The following CCDC160 variants were observed in gnomAD, a reference collection of about 807,000 sequenced individuals.
CCDC160 encodes the protein coiled-coil domain-containing protein 160.
For synonymous variants in CCDC160, 94 were observed against 79.4 expected, an observed-to-expected ratio of 1.18 and a Z score of -0.98; for missense variants, 227 against 215.6, an observed-to-expected ratio of 1.05 and a Z score of -0.33.
intron 1 of CCDC160, among the ~76,000 whole-genome samples, chrX:134,243,616 A>C (rs140279603): frequency 0.013 from 1,430 of 112,364 alleles, 21 homozygotes; most frequent in African/African-American, 0.043. Context: ...AATCAAAGAA[A>C]ATATTAATTA....
At chrX:134,241,316 A>G (rs1325309382) in intron 1 of CCDC160, among the ~76,000 whole-genome samples, 2 of 111,770 alleles carry the variant, frequency 1.8e-5, no homozygotes, top group Non-Finnish European at 3.8e-5. Flanking sequence ...TTATATATAA[A>G]TTCATATTCA....
chrX:134,244,892 C>T (rs201693622), exon 2 of CCDC160: 2 of 1,201,461 alleles, frequency 1.7e-6, no homozygotes, highest in Non-Finnish European at 1.1e-6. Context: ...GAGCCTGAAT[C>T]TTCTTCTGAA....
exon 2 of CCDC160, chrX:134,245,752 G>A (rs1217194482): frequency 8.7e-7 from 1 of 1,143,139 alleles, no homozygotes. Context: ...AAGTATCCTT[G>A]ACCACTTTAC....
At chrX:134,245,647 A>C (rs1414977257) in exon 2 of CCDC160, 2 of 1,208,185 alleles carry the variant, frequency 1.7e-6, no homozygotes, top group African/African-American at 3.5e-5. Flanking sequence ...TGTCATCAAG[A>C]ATGAACTGAG....
At chrX:134,238,192 T>G (rs1472539260) in intron 1 of CCDC160, among the ~76,000 whole-genome samples, 1 of 110,829 alleles carries the variant, frequency 9.0e-6, no homozygotes, top group African/African-American at 3.3e-5. Flanking sequence ...GGAGGTACTG[T>G]GTTGAATAAA....
chrX:134,245,597 A>G, exon 2 of CCDC160: 1 of 1,207,986 alleles, frequency 8.3e-7, no homozygotes, highest in Non-Finnish European at 1.1e-6. Context: ...ATGAAATCAT[A>G]TTATGAATTA....
chrX:134,242,564 AGTGT>A lies in CCDC160; in HGVS notation c.-24-2193_-24-2190del, dbSNP rs371345902. ...GGAAGAGAGACAGTGAAAATTAAAAAGTGTGTGTGTGTGTGTGTGTGTGCATGTG... is the reference window on the plus strand; with the variant it reads ...GGAAGAGAGACAGTGAAAATTAAAAAGTGTGTGTGTGTGTGTGTGCATGTG... On this transcript the variant is annotated intron_variant, in intron 1 of 1. Coordinates refer to ENST00000370809, the Ensembl canonical transcript of CCDC160. Among the ~76,000 whole-genome samples the A allele has an allele frequency of 7.2e-3, 751 of 104,926 alleles. 10 individuals carry two copies. Among genetic ancestry groups the A allele is most frequent in the African/African-American group, 0.023 (665 of 29,171 alleles). The allele number at this position is 104,926 out of a possible 115,157, so 91.1% of individuals were successfully genotyped here.
intron 1 of CCDC160, among the ~76,000 whole-genome samples, chrX:134,240,913 G>A (rs2077025782): frequency 9.2e-6 from 1 of 108,238 alleles, no homozygotes; most frequent in Admixed American, 1.0e-4. Context: ...CTGACATCAA[G>A]TTATCCTTCC....
chrX:134,242,591 G>GTGTGCATA lies in CCDC160; in HGVS notation c.-24-2181_-24-2174dup, dbSNP rs2077030902. Among the ~76,000 whole-genome samples the GTGTGCATA allele has an allele frequency of 3.6e-5, 4 of 111,077 alleles. No individual in the cohort carries two copies. In the South Asian group the frequency reaches 1.5e-3, roughly 43 times the overall value. On this transcript the variant is annotated intron_variant, in intron 1 of 1. Coordinates refer to ENST00000370809, the Ensembl canonical transcript of CCDC160. The stretch of plus-strand genomic sequence containing the variant: ...TGTGTGTGTGTGTGTGTGTGTGCAT[G>GTGTGCATA]TGTGCATATGTGTATGTGTTTTGCC...
At chrX:134,245,298 G>A in exon 2 of CCDC160, 2 of 1,187,645 alleles carry the variant, frequency 1.7e-6, no homozygotes, top group Non-Finnish European at 2.3e-6. Context: ...AAATAGAAGA[G>A]GAATTTGAAA....
chrX:134,243,235 G>A (rs1004727918), intron 1 of CCDC160: 3 of 300,673 alleles, frequency 1.0e-5, no homozygotes, highest in African/African-American at 2.9e-5. Context: ...TTGGCTTCTG[G>A]CTTTTGGACC....
chrX:134,245,611 A>G (rs750042690), exon 2 of CCDC160: 1 of 1,207,408 alleles, frequency 8.3e-7, no homozygotes, highest in Admixed American at 2.2e-5. Context: ...TGAATTAGAA[A>G]TGGCAAAGAT....
rs757324988 is a variant in CCDC160 at position 134,245,203 on chromosome X, A to G, written c.403A>G (p.Lys135Glu). The G allele has an allele frequency of 5.8e-6, 7 of 1,197,038 alleles. No homozygotes were observed. The South Asian group carries it at 1.3e-4, about 22-fold the overall frequency. ...AGCTCTACTAAGACAAGACATAAGA[A>G]AGAAATTTATGGAAAGAATGTCTCC... The change falls in exon 2 of 2, where the codon AAG (lysine) becomes GAG (glutamate). Residue 135 changes from lysine (K) to glutamate (E), a missense_variant. Coordinates refer to ENST00000370809, the Ensembl canonical transcript of CCDC160.
chrX:134,244,802 T>A (rs756880198), exon 2 of CCDC160: 1 of 1,159,722 alleles, frequency 8.6e-7, no homozygotes, highest in African/African-American at 1.8e-5. Context: ...CCTGGAGAAA[T>A]GGATGCTAGA....
At chrX:134,238,700 A>G (rs1193355024) in intron 1 of CCDC160, 50 bp from the exon 2 acceptor site, 5 of 111,354 alleles carry the variant, frequency 4.5e-5, no homozygotes, top group Non-Finnish European at 3.8e-5. Context: ...TACATCTCAG[A>G]TATAAACACG....
intron 1 of CCDC160, among the ~76,000 whole-genome samples, chrX:134,241,696 G>A (rs762993404): frequency 9.0e-6 from 1 of 111,577 alleles, no homozygotes; most frequent in South Asian, 3.8e-4. Flanking sequence ...ATCCCCATTG[G>A]GCCTCCTTCC....
At chrX:134,243,360 T>C (rs1198531224) in intron 1 of CCDC160, 8 of 749,933 alleles carry the variant, frequency 1.1e-5, no homozygotes, top group Non-Finnish European at 9.4e-6. Context: ...TTGGGGATGG[T>C]GAGTCCCTTC....
chrX:134,245,023 C>G (rs1297465977), exon 2 of CCDC160: 1 of 1,178,130 alleles, frequency 8.5e-7, no homozygotes. Flanking sequence ...TGAAATAGAA[C>G]AAGAACAAAA....
At chrX:134,244,630 G>A (rs948035355) in intron 1 of CCDC160, 147 bp from the exon 3 acceptor site, 65 of 476,458 alleles carry the variant, frequency 1.4e-4, no homozygotes, top group Non-Finnish European at 1.9e-4. Context: ...GGGGACTGAG[G>A]CCCAAGCCAT....
Sources: gnomAD v4.1 joint callset for allele counts (sites outside exome capture counted in the v4.1 genomes callset) on GRCh38, gnomAD v4.1.1 for gene constraint, MANE v1.5 for transcripts, NCBI Gene and HGNC (gene_info 2026-07-23, HGNC 2026-07-21) for gene names.